KANK1: variants seen among roughly 807,000 people sequenced by gnomAD.
KANK1 encodes the protein KN motif and ankyrin repeat domain-containing protein 1.
KANK1 carries 109 observed loss-of-function variants against 106.2 expected under a neutral mutation model. That is an observed-to-expected ratio of 1.03 (90% confidence interval 0.88 to 1.20). The LOEUF (loss-of-function observed/expected upper bound fraction) is 1.20. Ranked by LOEUF, KANK1 falls within the 50% of genes most tolerant of loss-of-function variation. The pLI is 0.00. For missense variants in KANK1, 2,399 were observed against 1,710.7 expected (o/e 1.40, Z -7.10); for synonymous variants, 873 against 652.2 (o/e 1.34, Z -5.16).
chr9:691,805 C>A (rs1210045116), intron 2 of KANK1, among the ~76,000 whole-genome samples: 54 of 143,674 alleles, frequency 3.8e-4, no homozygotes, highest in African/African-American at 1.3e-3. Context: ...TTGGTAGAGA[C>A]AGAGTGTCAC....
chr9:637,745 C>A (rs531190465), intron 1 of KANK1, among the ~76,000 whole-genome samples: 4 of 152,242 alleles, frequency 2.6e-5, no homozygotes, highest in African/African-American at 7.2e-5. Context: ...TTGTCAGATA[C>A]TTTTCCTAAT....
chr9:563,940 C>T (rs1232764804), intron 1 of KANK1, among the ~76,000 whole-genome samples: 3 of 152,100 alleles, frequency 2.0e-5, no homozygotes, highest in Non-Finnish European at 4.4e-5. Flanking sequence ...TTTCTTTCTT[C>T]CCTGTAACAC....
Position 666,360 on chromosome 9 carries a change from TGGTTTTTA to T in KANK1, c.-83-10529_-83-10522del, listed in dbSNP as rs1277833398. ...TCACTTATTACTTCTAATAGTTTTTTGGTTTTTAAAAATAGAAGATCCTGTCGTTTACA... is the reference window on the plus strand; with the variant it reads ...TCACTTATTACTTCTAATAGTTTTTTAAAATAGAAGATCCTGTCGTTTACA... On this transcript the variant is annotated intron_variant, in intron 1 of 11. Transcript: ENST00000382297. 2.0e-5 allele frequency among the ~76,000 whole-genome samples: 3 copies of T among 152,340 alleles called. No individual in the cohort carries two copies. In the East Asian group the frequency reaches 5.8e-4, roughly 29 times the overall value.
chr9:699,190 C>T (rs1822049267), intron 2 of KANK1, among the ~76,000 whole-genome samples: 1 of 152,204 alleles, frequency 6.6e-6, no homozygotes, highest in Non-Finnish European at 1.5e-5. Flanking sequence ...TGTGTTCCAA[C>T]ATAACGCCTG....
chr9:696,302 GCTTGA>G (rs1810490699), intron 2 of KANK1, among the ~76,000 whole-genome samples: 1 of 151,112 alleles, frequency 6.6e-6, no homozygotes, highest in Non-Finnish European at 1.5e-5. Context: ...AAAAAAAACT[GCTTGA>G]CTTCTGCCTC....
At chr9:682,216 G>T (rs1387565025) in intron 2 of KANK1, among the ~76,000 whole-genome samples, 4 of 151,400 alleles carry the variant, frequency 2.6e-5, no homozygotes, top group Non-Finnish European at 1.5e-5. Flanking sequence ...GGAGACGAAG[G>T]TTGCAGTGTC....
upstream of KANK1, among the ~76,000 whole-genome samples, chr9:503,964 C>G (rs2058618273): frequency 6.6e-6 from 1 of 152,178 alleles, no homozygotes; most frequent in Non-Finnish European, 1.5e-5. Context: ...GCCGAGGACT[C>G]TGTCCTGCAG....
intron 5 of KANK1, chr9:731,472 C>T (rs1814362148): frequency 2.4e-6 from 1 of 424,462 alleles, no homozygotes; most frequent in Non-Finnish European, 4.3e-6. Flanking sequence ...TTAAGGATAC[C>T]TGATGAAGCT....
At chr9:547,908 T>A (rs780525696) in intron 1 of KANK1, among the ~76,000 whole-genome samples, 7 of 152,242 alleles carry the variant, frequency 4.6e-5, no homozygotes, top group Non-Finnish European at 7.3e-5. Flanking sequence ...TGGCAGTCTT[T>A]CATCATGTAA....
chr9:731,421 C>G (rs1832224284), intron 5 of KANK1, 155 bp downstream of exon 5: 2 of 527,534 alleles, frequency 3.8e-6, no homozygotes, highest in East Asian at 6.5e-5. Flanking sequence ...TTGGGCTTTG[C>G]TTTCCTCCTC....
intron 1 of KANK1, among the ~76,000 whole-genome samples, chr9:553,811 A>G (rs928234274): frequency 1.3e-5 from 2 of 152,206 alleles, no homozygotes; most frequent in Admixed American, 6.5e-5. Context: ...GAAATATTAG[A>G]AAATAACCTG....
At chr9:735,775 C>T (rs975315501) in intron 7 of KANK1, 2 of 430,552 alleles carry the variant, frequency 4.6e-6, no homozygotes, top group African/African-American at 2.0e-5. Context: ...AGGTGGATCA[C>T]ATGAGGTCTG....
chr9:716,195 G>C (rs916683523), intron 3 of KANK1, among the ~76,000 whole-genome samples: 2 of 152,208 alleles, frequency 1.3e-5, no homozygotes, highest in African/African-American at 4.8e-5. Flanking sequence ...GGGCTCTGAA[G>C]CTAGACAGTG....
At chr9:478,821 A>C (rs1024810297) in intron 3 of KANK1, among the ~76,000 whole-genome samples, 1 of 152,238 alleles carries the variant, frequency 6.6e-6, no homozygotes, top group Non-Finnish European at 1.5e-5. Flanking sequence ...AAGTGAAGCC[A>C]CATTTACTTT....
intron 1 of KANK1, among the ~76,000 whole-genome samples, chr9:640,790 G>A (rs750910876): frequency 1.2e-4 from 18 of 150,802 alleles, no homozygotes; most frequent in Non-Finnish European, 8.8e-5. Context: ...TCTGCCTGCC[G>A]GGTCCACACC....
At chr9:663,803 AGTGC>A in intron 1 of KANK1, among the ~76,000 whole-genome samples, 1 of 152,322 alleles carries the variant, frequency 6.6e-6, no homozygotes, top group African/African-American at 2.4e-5. Flanking sequence ...GTTCCTTGGC[AGTGC>A]AGCCCTTGTG....
chr9:472,934 C>G (rs1020302277), intron 2 of KANK1, among the ~76,000 whole-genome samples: 168 of 152,324 alleles, frequency 1.1e-3, no homozygotes, highest in African/African-American at 3.8e-3. Context: ...TAGAAGAACC[C>G]AGCTCAGATT....
intron 1 of KANK1, among the ~76,000 whole-genome samples, chr9:651,038 T>C (rs1324826213): frequency 6.6e-6 from 1 of 152,198 alleles, no homozygotes; most frequent in Non-Finnish European, 1.5e-5. Flanking sequence ...TTTGTGTGAC[T>C]ATATTCTGGC....
At chr9:701,068 C>A (rs764518642) in intron 2 of KANK1, among the ~76,000 whole-genome samples, 1 of 152,062 alleles carries the variant, frequency 6.6e-6, no homozygotes, top group Non-Finnish European at 1.5e-5. Flanking sequence ...ATCACTTGAG[C>A]ACTTGAGCGT....
Sources: allele counts gnomAD v4.1 joint callset (sites outside exome capture counted in the v4.1 genomes callset), GRCh38; gene constraint gnomAD v4.1.1; transcripts MANE v1.5; gene names NCBI Gene and HGNC (gene_info 2026-07-23, HGNC 2026-07-21).